The following SRPX2 variants were observed in gnomAD, a reference collection of about 807,000 sequenced individuals.
The protein encoded by SRPX2 is sushi repeat containing protein X-linked 2, also known as sushi repeat-containing protein SRPX2.
Under a neutral mutation model 45.3 loss-of-function variants are expected in SRPX2, and 26 were observed. The ratio of observed to expected loss-of-function variants is 0.57; its 90% CI spans 0.42 to 0.80. The LOEUF (loss-of-function observed/expected upper bound fraction) is 0.80. Among genes scored for constraint, SRPX2 ranks in the 30% least tolerant of loss-of-function variants. The pLI is 0.00. For synonymous variants in SRPX2, 125 were observed against 143.7 expected (o/e 0.87, Z 0.93); for missense variants, 355 against 399.8 (o/e 0.89, Z 0.95).
In SRPX2 at chrX:100,646,383, G is replaced by A; in HGVS notation, c.61G>A (p.Val21Met). The A allele has an allele frequency of 1.7e-6, 2 of 1,210,996 alleles. No individual in the cohort carries two copies. Among genetic ancestry groups the A allele is most frequent in the Non-Finnish European group, 1.1e-6 (1 of 895,269 alleles). ...LFLLFFLTPA[V>M]TPTWYAGSGY... ...TCTGCTGTTCTTCCTAACTCCGGCA[G>A]TGACACCAACATGGTATGCAGGTAA... is the stretch of plus-strand genomic sequence containing the variant. The change falls in exon 2 of 11, where the codon GTG becomes ATG. Residue 21 changes from valine (V) to methionine (M), a missense_variant. Physicochemically the swap from Val to Met is conservative, Grantham distance 21 (BLOSUM62 1). Coordinates refer to ENST00000373004, the MANE Select transcript of SRPX2 (RefSeq NM_014467.3).
At chrX:100,648,408 G>C (rs761400255) in intron 2 of SRPX2, among the ~76,000 whole-genome samples, 22 of 111,893 alleles carry the variant, frequency 2.0e-4, no homozygotes, top group African/African-American at 7.1e-4. Context: ...CAGTAACCAA[G>C]CACTGATTGA....
At chrX:100,664,680 G>A in intron 4 of SRPX2, 94 bp from the exon 5 acceptor site, 1 of 922,639 alleles carries the variant, frequency 1.1e-6, no homozygotes, top group East Asian at 3.4e-5. Context: ...TGTATTTTCT[G>A]CTCTTTCTGA....
At chrX:100,670,103 G>A (rs939214806) in intron 10 of SRPX2, among the ~76,000 whole-genome samples, 3 of 111,751 alleles carry the variant, frequency 2.7e-5, no homozygotes, top group Non-Finnish European at 5.6e-5. Context: ...TGAAATCTGA[G>A]TAAGATCTAT....
intron 3 of SRPX2, among the ~76,000 whole-genome samples, chrX:100,654,337 C>T (rs957327302): frequency 1.8e-5 from 2 of 111,078 alleles, no homozygotes; most frequent in Non-Finnish European, 3.8e-5. Flanking sequence ...AAAAGTACAA[C>T]CTGAGGCCCC....
intron 3 of SRPX2, among the ~76,000 whole-genome samples, chrX:100,659,288 G>A (rs1290729107): frequency 8.9e-6 from 1 of 112,000 alleles, no homozygotes; most frequent in Non-Finnish European, 1.9e-5. Flanking sequence ...CTCTTCTCCA[G>A]CCTTTCAACG....
intron 10 of SRPX2, 53 bp downstream of exon 10, chrX:100,669,422 G>GGGGGGGGGGGGGGGGGGGC: frequency 1.3e-5 from 4 of 319,095 alleles, no homozygotes; most frequent in African/African-American, 2.8e-5. Context: ...GGGGCGGGGG[G>GGGGGGGGGGGGGGGGGGGC]AGAAACCCTA....
intron 2 of SRPX2, among the ~76,000 whole-genome samples, chrX:100,646,758 T>C (rs2083136783): frequency 9.0e-6 from 1 of 111,596 alleles, no homozygotes; most frequent in Admixed American, 9.5e-5. Context: ...AATTCTTTTA[T>C]GAGTCAAATA....
rs2083222759 is a variant in SRPX2, at chrX:100,670,957, G to C, written c.1368G>C (p.Gln456His). Reference protein sequence around the residue: ...DYLLSNQELTQRREQRDICE With the variant: ...DYLLSNQELTHRREQRDICE The stretch of plus-strand genomic sequence containing the variant: ...TACTGAGCAATCAGGAGTTGACCCA[G>C]CGTCGGGAGCAAAGGGACATATGCG... Residue 456 changes from glutamine (Q) to histidine (H), a missense_variant, in exon 11 of 11, where the codon CAG (glutamine) becomes CAC (histidine). Coordinates refer to ENST00000373004, the MANE Select transcript of SRPX2 (RefSeq NM_014467.3). 1 of 1,211,146 alleles carries C rather than the reference G, an allele frequency of 8.3e-7. No individual in the cohort carries two copies. The highest frequency in any genetic ancestry group is 1.7e-5 in the African/African-American group (1 of 57,806).
chrX:100,669,152 C>T (rs1160561755), intron 9 of SRPX2, 96 bp from the exon 10 acceptor site: 1 of 1,146,406 alleles, frequency 8.7e-7, no homozygotes, highest in East Asian at 3.0e-5. Flanking sequence ...AGCTCCTTTC[C>T]CACACTGCTT....
At chrX:100,669,416 C>A in intron 10 of SRPX2, 47 bp downstream of exon 10, 5 of 104,434 alleles carry the variant, frequency 4.8e-5, no homozygotes, top group Admixed American at 1.3e-4. Flanking sequence ...GGGGCTGGGG[C>A]GGGGGGAGAA....
Position 100,669,153 on chromosome X carries a change from C to T in SRPX2, c.1096-95C>T, listed in dbSNP as rs113723737. On this transcript the variant is annotated intron_variant, in intron 9 of 10. Coordinates refer to ENST00000373004, the MANE Select transcript of SRPX2 (RefSeq NM_014467.3). ...ATTGGGGGAGAAGGAGCTCCTTTCC[C>T]ACACTGCTTCATATGGTCCCAGGAG... The T allele has an allele frequency of 6.5e-5, 74 of 1,145,871 alleles. No homozygotes were observed. In the African/African-American group the frequency reaches 1.2e-3, roughly 19 times the overall value. 94.4% of individuals were successfully genotyped at this position (1,145,871 alleles called of 1,213,427 possible). A position where few individuals can be genotyped will look rare whatever the true frequency, so the allele number is the denominator to read the frequency against.
intron 2 of SRPX2, among the ~76,000 whole-genome samples, chrX:100,649,887 T>C (rs1185086432): frequency 1.8e-5 from 2 of 112,087 alleles, no homozygotes; most frequent in Admixed American, 1.9e-4. Context: ...GCATTAGGGC[T>C]CAGGGAGGCT....
intron 10 of SRPX2, 52 bp downstream of exon 10, chrX:100,669,421 G>GGGGGGGGGGGGGGA: frequency 1.6e-6 from 1 of 610,817 alleles, no homozygotes; most frequent in Non-Finnish European, 2.4e-6. Flanking sequence ...TGGGGCGGGG[G>GGGGGGGGGGGGGGA]GAGAAACCCT....
At chrX:100,646,149 T>A (rs2083134849) in intron 1 of SRPX2, 44 bp from the exon 2 acceptor site, 1 of 471,540 alleles carries the variant, frequency 2.1e-6, no homozygotes, top group African/African-American at 2.4e-5. Flanking sequence ...GGAGATAATA[T>A]AAAAGGCATT....
At chrX:100,665,703 C>A (rs2083202632) in intron 7 of SRPX2, 46 bp downstream of exon 7, 2 of 1,207,986 alleles carry the variant, frequency 1.7e-6, no homozygotes, top group Non-Finnish European at 1.1e-6. Context: ...TAATCCTGCT[C>A]TACCCTGACC....
chrX:100,651,864 A>G (rs750654810), intron 3 of SRPX2, among the ~76,000 whole-genome samples: 3 of 110,801 alleles, frequency 2.7e-5, no homozygotes, highest in African/African-American at 9.8e-5. Flanking sequence ...TAGGGACAAT[A>G]CTAATGAGAA....
In SRPX2 at chrX:100,657,419, C is replaced by T. The variant is rs775082296; in HGVS notation, c.164-4757C>T. Among the ~76,000 whole-genome samples the T allele has an allele frequency of 5.0e-5, 4 of 80,010 alleles. No individual in the cohort carries two copies. In the East Asian group the frequency reaches 1.8e-3, roughly 36 times the overall value. 69.5% of individuals were successfully genotyped at this position (80,010 alleles called of 115,157 possible). A position where few individuals can be genotyped will look rare whatever the true frequency, so the allele number is the denominator to read the frequency against. On this transcript the variant is annotated intron_variant, in intron 3 of 10. Coordinates refer to ENST00000373004, the MANE Select transcript of SRPX2 (RefSeq NM_014467.3). ...AGGATGGAGTGCAATGGCATGATCT[C>T]GGCTCACTGCAACCTCTACCTCCTG...
intron 9 of SRPX2, 70 bp downstream of exon 9, chrX:100,667,477 G>C (rs1354266516): frequency 8.6e-7 from 1 of 1,162,383 alleles, no homozygotes; most frequent in East Asian, 3.0e-5. Context: ...AATCAGAGTT[G>C]TTCTCTGCAG....
chrX:100,648,110 C>T (rs1356188739), intron 2 of SRPX2, among the ~76,000 whole-genome samples: 3 of 112,230 alleles, frequency 2.7e-5, no homozygotes, highest in East Asian at 2.8e-4. Flanking sequence ...GAATAGCAGC[C>T]AAATGTGGAT....
Sources: allele counts gnomAD v4.1 joint callset (sites outside exome capture counted in the v4.1 genomes callset), GRCh38; gene constraint gnomAD v4.1.1; transcripts MANE v1.5; gene names NCBI Gene and HGNC (gene_info 2026-07-23, HGNC 2026-07-21).